CACNA1C: variants seen among roughly 807,000 people sequenced by gnomAD.
CACNA1C encodes the protein voltage-dependent L-type calcium channel subunit alpha-1C.
A neutral mutation model predicts 229.0 loss-of-function variants in CACNA1C; 30 were observed. The observed-to-expected ratio is 0.13, with a 90% CI of 0.10 to 0.18. The LOEUF is 0.18. Ranked by LOEUF, CACNA1C falls within the 10% of genes least tolerant of loss-of-function variation. The pLI is 1.00. For missense variants in CACNA1C, 1,658 were observed against 2,845.0 expected, an observed-to-expected ratio of 0.58 and a Z score of 9.49; for synonymous variants, 1,114 against 1,132.5, an observed-to-expected ratio of 0.98 and a Z score of 0.33.
At chr12:2,249,371 G>A (rs2074644647) in intron 3 of CACNA1C, among the ~76,000 whole-genome samples, 1 of 152,214 alleles carries the variant, frequency 6.6e-6, no homozygotes, top group Non-Finnish European at 1.5e-5. Context: ...TCTTGTCTGT[G>A]ACTGTTTCTC....
chr12:2,397,302 G>A (rs1263902964), intron 3 of CACNA1C, among the ~76,000 whole-genome samples: 2 of 152,190 alleles, frequency 1.3e-5, no homozygotes, highest in Non-Finnish European at 2.9e-5. Context: ...ATTTTGAATC[G>A]AAGTCCTTGA....
At chr12:2,124,474 A>AG (rs1395419189) in intron 3 of CACNA1C, among the ~76,000 whole-genome samples, 1 of 152,148 alleles carries the variant, frequency 6.6e-6, no homozygotes, top group African/African-American at 2.4e-5. Context: ...GGATGAGAAG[A>AG]GCCAGGTGAT....
At chr12:2,660,959 AT>A (rs2095686996) in intron 34 of CACNA1C, 1 of 152,124 alleles carries the variant, frequency 6.6e-6, no homozygotes, top group Non-Finnish European at 1.5e-5. Context: ...TTCTGAGTCT[AT>A]CAAAAATAAG....
chr12:2,099,259 A>G (rs112193318), intron 1 of CACNA1C, among the ~76,000 whole-genome samples: 2,048 of 152,292 alleles, frequency 0.013, 52 homozygotes, highest in African/African-American at 0.047. Context: ...TTTCAAACCA[A>G]CCGTCTTACT....
At chr12:2,470,556 T>C (rs1007306988) in intron 5 of CACNA1C, among the ~76,000 whole-genome samples, 2 of 152,214 alleles carry the variant, frequency 1.3e-5, no homozygotes, top group African/African-American at 4.8e-5. Flanking sequence ...AAGACTCAGA[T>C]GGTGGAATCC....
chr12:2,184,469 C>T (rs967077532), intron 3 of CACNA1C, among the ~76,000 whole-genome samples: 1 of 152,126 alleles, frequency 6.6e-6, no homozygotes, highest in African/African-American at 2.4e-5. Context: ...TCGGTGAATA[C>T]GTTAGGGTAC....
chr12:2,596,530 A>G (rs563782774), intron 20 of CACNA1C, among the ~76,000 whole-genome samples: 1 of 152,316 alleles, frequency 6.6e-6, no homozygotes, highest in East Asian at 1.9e-4. Flanking sequence ...TCAAGTCCCA[A>G]CCAAGTGGGC....
At chr12:2,434,105 CCCTT>C (rs1399416881) in intron 3 of CACNA1C, among the ~76,000 whole-genome samples, 1 of 152,144 alleles carries the variant, frequency 6.6e-6, no homozygotes, top group Non-Finnish European at 1.5e-5. Context: ...CACCTGCGCT[CCCTT>C]CCTGCACCCG....
At chr12:2,101,009 A>G (rs1176629660) in intron 1 of CACNA1C, among the ~76,000 whole-genome samples, 2 of 151,906 alleles carry the variant, frequency 1.3e-5, no homozygotes, top group African/African-American at 2.4e-5. Context: ...CTCAAAAAAA[A>G]AAAAAAAAGA....
At position 2,449,213 on chromosome 12, in the gene CACNA1C, A is replaced by G. The variant is rs1050690866; in HGVS notation, c.617+98A>G. ...ACAGGGTCGTTGTCAGACGGCCACA[A>G]AGATTTAGGCTCGCAGATGATCTAG... On this transcript the variant is annotated intron_variant, in intron 4 of 46. Transcript: ENST00000399655. 9 of 858,888 alleles carry G rather than the reference A, an allele frequency of 1.0e-5. No homozygotes were observed. The African/African-American group carries it at 1.2e-4, about 12-fold the overall frequency. 53.2% of individuals were successfully genotyped at this position (858,888 alleles called of 1,614,324 possible).
intron 7 of CACNA1C, among the ~76,000 whole-genome samples, chr12:2,503,509 G>A (rs2099765096): frequency 6.6e-6 from 1 of 152,318 alleles, no homozygotes; most frequent in East Asian, 1.9e-4. Context: ...AGCCAGTGGT[G>A]AGCTAATAAA....
intron 1 of CACNA1C, among the ~76,000 whole-genome samples, chr12:2,024,696 T>C (rs1198168697): frequency 1.3e-5 from 2 of 152,240 alleles, no homozygotes; most frequent in African/African-American, 4.8e-5. Flanking sequence ...TAGCAGGTTC[T>C]GACATGTGGC....
chr12:2,278,311 A>T (rs2089726589), intron 3 of CACNA1C, among the ~76,000 whole-genome samples: 1 of 152,236 alleles, frequency 6.6e-6, no homozygotes, highest in Non-Finnish European at 1.5e-5. Flanking sequence ...TCAACTGTAT[A>T]CTTTGGAAAG....
chr12:1,971,840 A>T lies in CACNA1C; in HGVS notation c.139+639A>T, dbSNP rs2154458176. On this transcript the variant is annotated intron_variant, in intron 1 of 46. Transcript: ENST00000682462. This position sits in a 1 kb window ranked among gnomAD's most constrained non-coding sequence, Gnocchi z 4.2. ...TGATCTGTTCTTTTAAGATATTTATAATTTGTTTTATATTTTTACCCAAAT... is the reference window on the plus strand; with the variant it reads ...TGATCTGTTCTTTTAAGATATTTATTATTTGTTTTATATTTTTACCCAAAT... Among the ~76,000 whole-genome samples, 1 of 152,350 alleles carries T rather than the reference A, an allele frequency of 6.6e-6. No individual in the cohort carries two copies. Among genetic ancestry groups the T allele is most frequent in the African/African-American group, 2.4e-5 (1 of 41,582 alleles).
At chr12:2,547,266 T>C (rs1040258721) in intron 9 of CACNA1C, among the ~76,000 whole-genome samples, 1 of 152,216 alleles carries the variant, frequency 6.6e-6, no homozygotes, top group Non-Finnish European at 1.5e-5. Flanking sequence ...TTTGGTTCTA[T>C]TGTGTTATGT....
chr12:2,177,612 CCTTCCTTCCTTCCT>C lies in CACNA1C; in HGVS notation c.477+57183_477+57196del, dbSNP rs1230405350. On this transcript the variant is annotated intron_variant, in intron 3 of 46. Coordinates refer to ENST00000399655, the MANE Select transcript of CACNA1C (RefSeq NM_000719.7). ...CCCTTCCTTCCTTCCTTCCTTCCTT[CCTTCCTTCCTTCCT>C]TCTCTCTCTCTTTCTTTCTTTCTTT... is the stretch of plus-strand genomic sequence containing the variant. Among the ~76,000 whole-genome samples, 152 of 109,862 alleles carry C rather than the reference CCTTCCTTCCTTCCT, an allele frequency of 1.4e-3. 3 individuals are homozygous for C. Among genetic ancestry groups the C allele is most frequent in the African/African-American group, 4.0e-3 (118 of 29,480 alleles). 72.1% of individuals were successfully genotyped at this position (109,862 alleles called of 152,430 possible).
intron 1 of CACNA1C, among the ~76,000 whole-genome samples, chr12:2,065,204 A>C (rs986368665): frequency 6.6e-6 from 1 of 152,216 alleles, no homozygotes; most frequent in Non-Finnish European, 1.5e-5. Flanking sequence ...AGTGGATTTC[A>C]GTGACTCAGA....
chr12:2,529,575 A>T (rs2099836023), intron 9 of CACNA1C, among the ~76,000 whole-genome samples: 1 of 152,234 alleles, frequency 6.6e-6, no homozygotes. Flanking sequence ...GGAATGGATC[A>T]CTTAGGCCTG....
At position 2,198,159 on chromosome 12, in the gene CACNA1C, C is replaced by T. The variant is rs145187025; in HGVS notation, c.477+77729C>T. 3.7e-3 allele frequency among the ~76,000 whole-genome samples: 562 copies of T among 152,304 alleles called. 2 individuals carry two copies. Among genetic ancestry groups the T allele is most frequent in the African/African-American group, 0.013 (524 of 41,548 alleles). On this transcript the variant is annotated intron_variant, in intron 3 of 46. Transcript: ENST00000399655. Reference sequence around the variant, plus strand: ...TTGCATCCAAAGCTGTAGCACAGTGCGGCCCACAGCAAAGGGCATCCTCAG... The same window carrying T: ...TTGCATCCAAAGCTGTAGCACAGTGTGGCCCACAGCAAAGGGCATCCTCAG...
Sources: gnomAD v4.1 joint callset for allele counts (sites outside exome capture counted in the v4.1 genomes callset) on GRCh38, gnomAD v4.1.1 for gene constraint, Gnocchi (gnomAD v3.1) non-coding constraint, MANE v1.5 for transcripts, NCBI Gene and HGNC (gene_info 2026-07-23, HGNC 2026-07-21) for gene names.